The following SNTB1 variants were observed in gnomAD, a reference collection of about 807,000 sequenced individuals.
SNTB1 encodes the protein beta-1-syntrophin.
In SNTB1, 36 loss-of-function variants were observed where a neutral mutation model predicts 48.9. That is an observed-to-expected ratio of 0.74 (90% confidence interval 0.56 to 0.97). The LOEUF (loss-of-function observed/expected upper bound fraction) is 0.97. Ranked by LOEUF, SNTB1 falls within the 50% of genes least tolerant of loss-of-function variation. SNTB1 has a pLI of 0.00. For synonymous variants in SNTB1, 299 were observed against 294.6 expected, an observed-to-expected ratio of 1.01 and a Z score of -0.15; for missense variants, 786 against 703.4, an observed-to-expected ratio of 1.12 and a Z score of -1.33.
chr8:120,626,597 C>G (rs1816886686), intron 3 of SNTB1, among the ~76,000 whole-genome samples: 1 of 151,898 alleles, frequency 6.6e-6, no homozygotes, highest in East Asian at 1.9e-4. Flanking sequence ...TTCTCCTCAT[C>G]TAACTTATAA....
At chr8:120,687,348 T>C (rs1462281562) in intron 2 of SNTB1, among the ~76,000 whole-genome samples, 1 of 152,186 alleles carries the variant, frequency 6.6e-6, no homozygotes, top group Admixed American at 6.5e-5. Flanking sequence ...AATCCACTGT[T>C]TCGTACTCAC....
chr8:120,739,304 G>C (rs1819003932), intron 1 of SNTB1, among the ~76,000 whole-genome samples: 1 of 152,130 alleles, frequency 6.6e-6, no homozygotes, highest in Admixed American at 6.5e-5. Context: ...GGCCCAGTAG[G>C]GTTGTGAAGT....
At chr8:120,596,967 T>C (rs1024634341) in intron 3 of SNTB1, among the ~76,000 whole-genome samples, 1 of 152,214 alleles carries the variant, frequency 6.6e-6, no homozygotes, top group Non-Finnish European at 1.5e-5. Flanking sequence ...CCACAAATGA[T>C]GTTCATGTCC....
chr8:120,562,045 C>G (rs1169829891), intron 4 of SNTB1, among the ~76,000 whole-genome samples: 2 of 152,222 alleles, frequency 1.3e-5, no homozygotes, highest in African/African-American at 4.8e-5. Flanking sequence ...GTTCATTAAC[C>G]TCAGTCCTTA....
intron 2 of SNTB1, among the ~76,000 whole-genome samples, chr8:120,665,417 A>G (rs1817659186): frequency 6.6e-6 from 1 of 152,004 alleles, no homozygotes; most frequent in African/African-American, 2.4e-5. Flanking sequence ...GTGCCACTCC[A>G]GCCTGGGCAA....
chr8:120,798,962 T>C (rs1424549719), intron 1 of SNTB1, among the ~76,000 whole-genome samples: 1 of 152,042 alleles, frequency 6.6e-6, no homozygotes, highest in Non-Finnish European at 1.5e-5. Context: ...GTTCTCTCCC[T>C]GAAGGCATCT....
intron 2 of SNTB1, among the ~76,000 whole-genome samples, chr8:120,656,222 A>C (rs757099069): frequency 1.2e-4 from 19 of 152,206 alleles, no homozygotes; most frequent in Non-Finnish European, 2.4e-4. Flanking sequence ...TGAGCAGTTA[A>C]TGAAAAAGAA....
intron 2 of SNTB1, among the ~76,000 whole-genome samples, chr8:120,687,521 C>T (rs903107834): frequency 2.6e-5 from 4 of 152,158 alleles, no homozygotes; most frequent in African/African-American, 9.7e-5. Context: ...CTCTCCCCAT[C>T]CTGGAAAGGA....
Position 120,601,840 on chromosome 8 carries a change from A to C in SNTB1, c.997-26615T>G, listed in dbSNP as rs149215577. Among the ~76,000 whole-genome samples, 961 of 152,332 alleles carry C rather than the reference A, an allele frequency of 6.3e-3. 7 individuals are homozygous for C. Among genetic ancestry groups the C allele is most frequent in the African/African-American group, 0.021 (892 of 41,586 alleles). On this transcript the variant is annotated intron_variant, in intron 3 of 6. Transcript: ENST00000517992. ...GCATGCCAACCTACACGTGTTTTCC[A>C]CTTGGTTCAGTCATCCCGGGCTTGG... is the stretch of plus-strand genomic sequence containing the variant.
At chr8:120,657,982 A>G (rs900125294) in intron 2 of SNTB1, among the ~76,000 whole-genome samples, 7 of 152,240 alleles carry the variant, frequency 4.6e-5, no homozygotes, top group Admixed American at 6.5e-5. Context: ...TTCTCAATAA[A>G]TTATTAAAGC....
chr8:120,707,080 G>C (rs1818389988), intron 1 of SNTB1, among the ~76,000 whole-genome samples: 1 of 152,096 alleles, frequency 6.6e-6, no homozygotes. Context: ...CTCCTATTTT[G>C]AAAGTGCTTT....
chr8:120,544,612 G>T (rs1486172388), intron 5 of SNTB1, among the ~76,000 whole-genome samples: 1 of 152,142 alleles, frequency 6.6e-6, no homozygotes, highest in African/African-American at 2.4e-5. Context: ...ATTAGAGAAA[G>T]ATTTTACAAA....
intron 3 of SNTB1, among the ~76,000 whole-genome samples, chr8:120,620,884 C>T (rs1435640988): frequency 7.2e-6 from 1 of 139,620 alleles, no homozygotes; most frequent in Non-Finnish European, 1.6e-5. Context: ...CTCCCTCCCT[C>T]CCTCCCTTAC....
chr8:120,556,173 G>A (rs1346596427), intron 4 of SNTB1, among the ~76,000 whole-genome samples: 1 of 152,164 alleles, frequency 6.6e-6, no homozygotes, highest in Non-Finnish European at 1.5e-5. Context: ...AATTCCCATG[G>A]CCTGTTTACT....
rs758057202 is a variant in SNTB1 at position 120,811,569 on chromosome 8, C to A, written c.275G>T (p.Arg92Leu). 1.3e-6 allele frequency: 2 copies of A among 1,566,744 alleles called. No individual in the cohort carries two copies. Among genetic ancestry groups the A allele is most frequent in the Non-Finnish European group, 1.7e-6 (2 of 1,156,476 alleles). Residue 92 changes from arginine (R) to leucine (L), a missense_variant, in exon 1 of 7, where the codon CGC (arginine) becomes CTC (leucine). By Grantham distance (102) the Arg-to-Leu change is moderately radical. Transcript: ENST00000517992. ...CTCGGGCAGGTCGGTGAAAGCGGTG[C>A]GGACCCCGGCGGGCGAGTCCGGGGG... The part of the protein sequence containing the change: ...AQPPDSPAGV[R>L]TAFTDLPEQV...
intron 3 of SNTB1, among the ~76,000 whole-genome samples, chr8:120,602,978 C>A (rs935993805): frequency 6.6e-6 from 1 of 151,902 alleles, no homozygotes; most frequent in Non-Finnish European, 1.5e-5. Context: ...AATTTATATA[C>A]CACCATATTA....
At chr8:120,732,617 G>A (rs1170365487) in intron 1 of SNTB1, among the ~76,000 whole-genome samples, 5 of 152,322 alleles carry the variant, frequency 3.3e-5, no homozygotes, top group Admixed American at 3.3e-4. Flanking sequence ...GGCCAAAGTA[G>A]GCAAGTCACT....
intron 1 of SNTB1, among the ~76,000 whole-genome samples, chr8:120,718,440 C>T (rs1175847117): frequency 6.6e-6 from 1 of 152,240 alleles, no homozygotes; most frequent in Admixed American, 6.5e-5. Flanking sequence ...GGCCACTTCT[C>T]CCCCTGGTCT....
intron 4 of SNTB1, among the ~76,000 whole-genome samples, chr8:120,549,242 T>A (rs10095489): frequency 0.068 from 10,425 of 152,198 alleles, 788 homozygotes; most frequent in African/African-American, 0.19. Context: ...GAGAAAAGAA[T>A]TTAAATACTG....
Sources: gnomAD v4.1 joint callset for allele counts (sites outside exome capture counted in the v4.1 genomes callset) on GRCh38, gnomAD v4.1.1 for gene constraint, MANE v1.5 for transcripts, NCBI Gene and HGNC (gene_info 2026-07-23, HGNC 2026-07-21) for gene names.